The following ITGBL1 variants were observed in gnomAD, a reference collection of about 807,000 sequenced individuals.
The protein encoded by ITGBL1 is integrin subunit beta like 1.
ITGBL1 carries 51 observed loss-of-function variants against 68.5 expected under a neutral mutation model. The ratio of observed to expected loss-of-function variants is 0.74; its 90% confidence interval spans 0.59 to 0.94. The LOEUF (loss-of-function observed/expected upper bound fraction) is 0.94. ITGBL1 is among the 40% of genes least tolerant of loss of function. ITGBL1 has a pLI of 0.00. For missense variants in ITGBL1, 649 were observed against 647.4 expected (o/e 1.00, Z -0.03); for synonymous variants, 209 against 227.3 (o/e 0.92, Z 0.72).
At chr13:101,550,689 G>C (rs147277242) in intron 2 of ITGBL1, among the ~76,000 whole-genome samples, 1 of 152,288 alleles carries the variant, frequency 6.6e-6, no homozygotes, top group Non-Finnish European at 1.5e-5. Context: ...CCAAGGCTCA[G>C]AGCAGTATGT....
At chr13:101,673,924 G>C (rs1005504844) in intron 7 of ITGBL1, among the ~76,000 whole-genome samples, 1 of 152,150 alleles carries the variant, frequency 6.6e-6, no homozygotes, top group Non-Finnish European at 1.5e-5. Context: ...CCCAGAACAA[G>C]TTCATCCTGG....
chr13:101,681,633 G>A (rs541039155), intron 7 of ITGBL1, among the ~76,000 whole-genome samples: 30 of 152,182 alleles, frequency 2.0e-4, no homozygotes, highest in Non-Finnish European at 4.3e-4. Flanking sequence ...TCATGTGGAA[G>A]TGAGACCTTA....
intron 2 of ITGBL1, among the ~76,000 whole-genome samples, chr13:101,532,794 T>A (rs2049506693): frequency 6.6e-6 from 1 of 152,210 alleles, no homozygotes; most frequent in South Asian, 2.1e-4. Flanking sequence ...ATTGTAATTA[T>A]CAGTGGAAGC....
At chr13:101,717,539 T>A (rs2034771092), downstream of ITGBL1, 1 of 152,176 alleles carries the variant, frequency 6.6e-6, no homozygotes, top group South Asian at 2.1e-4. Context: ...GACATTGGAA[T>A]TCATTACATT....
intron 7 of ITGBL1, among the ~76,000 whole-genome samples, chr13:101,690,310 A>G (rs2033854739): frequency 6.6e-6 from 1 of 152,244 alleles, no homozygotes; most frequent in African/African-American, 2.4e-5. Context: ...TGTTTAGTTC[A>G]TCTTTTCTGA....
intron 7 of ITGBL1, among the ~76,000 whole-genome samples, chr13:101,603,685 C>T (rs888432287): frequency 1.0e-5 from 1 of 98,548 alleles, no homozygotes; most frequent in African/African-American, 2.8e-5. Context: ...ACCACTGTCT[C>T]TTTTTTAAAA....
intron 2 of ITGBL1, among the ~76,000 whole-genome samples, chr13:101,499,223 C>A (rs1489855571): frequency 6.6e-6 from 1 of 152,178 alleles, no homozygotes; most frequent in Non-Finnish European, 1.5e-5. Context: ...AATGCAGCTT[C>A]AGACTCCTGC....
intron 7 of ITGBL1, among the ~76,000 whole-genome samples, chr13:101,678,927 T>A (rs547596502): frequency 2.4e-4 from 37 of 151,954 alleles, no homozygotes; most frequent in Non-Finnish European, 3.5e-4. Flanking sequence ...TTTTTTTTTT[T>A]ATTTTTTTGA....
intron 2 of ITGBL1, among the ~76,000 whole-genome samples, chr13:101,475,473 A>G (rs2139650005): frequency 6.6e-6 from 1 of 152,196 alleles, no homozygotes; most frequent in East Asian, 1.9e-4. Context: ...ATTTGTCTTA[A>G]GGAGAAGGGG....
intron 2 of ITGBL1, among the ~76,000 whole-genome samples, chr13:101,460,059 T>C (rs1449386791): frequency 6.6e-6 from 1 of 152,130 alleles, no homozygotes; most frequent in African/African-American, 2.4e-5. Context: ...CAAGCCTACT[T>C]GTGGATTTAC....
chr13:101,554,411 C>T (rs1566729578), intron 2 of ITGBL1, among the ~76,000 whole-genome samples: 1 of 152,192 alleles, frequency 6.6e-6, no homozygotes, highest in Non-Finnish European at 1.5e-5. Flanking sequence ...CTGCTTATGT[C>T]TCATTTCTCT....
chr13:101,549,483 G>C (rs914325478), intron 2 of ITGBL1, among the ~76,000 whole-genome samples: 5 of 151,676 alleles, frequency 3.3e-5, no homozygotes, highest in Non-Finnish European at 7.4e-5. Context: ...AAAGTCAAAA[G>C]ATCAAAAATA....
At chr13:101,481,071 CATATATATACACACAT>C (rs1172295835) in intron 2 of ITGBL1, among the ~76,000 whole-genome samples, 1 of 40,466 alleles carries the variant, frequency 2.5e-5, no homozygotes, top group Non-Finnish European at 4.6e-5. Context: ...CACACACATA[CATATATATACACACAT>C]ATATATACAC....
intron 2 of ITGBL1, among the ~76,000 whole-genome samples, chr13:101,531,055 T>TA (rs1555356611): frequency 1.3e-5 from 2 of 152,020 alleles, no homozygotes; most frequent in Non-Finnish European, 2.9e-5. Flanking sequence ...GGATTTTTTT[T>TA]ATTTTAAAAA....
intron 6 of ITGBL1, among the ~76,000 whole-genome samples, chr13:101,586,098 CT>C (rs2050552504): frequency 6.6e-6 from 1 of 152,144 alleles, no homozygotes; most frequent in African/African-American, 2.4e-5. Context: ...GTCATTTAGT[CT>C]TGGAGTGCTT....
At chr13:101,543,512 T>C (rs1191206235) in intron 2 of ITGBL1, among the ~76,000 whole-genome samples, 1 of 152,176 alleles carries the variant, frequency 6.6e-6, no homozygotes, top group Non-Finnish European at 1.5e-5. Flanking sequence ...ATTTCAACTT[T>C]GGTGAATCTG....
intron 2 of ITGBL1, among the ~76,000 whole-genome samples, chr13:101,545,842 G>C (rs1466172829): frequency 1.3e-5 from 2 of 152,178 alleles, no homozygotes; most frequent in Non-Finnish European, 2.9e-5. Context: ...TGTATGTTCA[G>C]ATTGGTTACT....
At position 101,609,670 on chromosome 13, in the gene ITGBL1, A is replaced by G. The variant is rs527815700; in HGVS notation, c.1015+11371A>G. Among the ~76,000 whole-genome samples, 11 of 152,276 alleles carry G rather than the reference A, an allele frequency of 7.2e-5. No homozygotes were observed. In the East Asian group the frequency reaches 1.9e-3, roughly 27 times the overall value. On this transcript the variant is annotated intron_variant, in intron 7 of 10. Coordinates refer to ENST00000376180, the MANE Select transcript of ITGBL1 (RefSeq NM_004791.3). ...GTTATATTCAACAGAACAGAGAGAAAAGAAGAATCCAGAAGCTGAATTTAA... is the reference window on the plus strand; with the variant it reads ...GTTATATTCAACAGAACAGAGAGAAGAGAAGAATCCAGAAGCTGAATTTAA...
At chr13:101,619,190 A>G (rs1437538031) in intron 7 of ITGBL1, among the ~76,000 whole-genome samples, 1 of 152,122 alleles carries the variant, frequency 6.6e-6, no homozygotes, top group Non-Finnish European at 1.5e-5. Context: ...AAAATAATTC[A>G]TTGATGATTG....
Sources: allele counts gnomAD v4.1 joint callset (sites outside exome capture counted in the v4.1 genomes callset), GRCh38; gene constraint gnomAD v4.1.1; transcripts MANE v1.5; gene names NCBI Gene and HGNC (gene_info 2026-07-23, HGNC 2026-07-21).